The following MAP2 variants were observed in gnomAD, a reference collection of about 807,000 sequenced individuals.
MAP2 encodes the protein microtubule associated protein 2, also known as microtubule-associated protein 2.
MAP2 carries 14 observed loss-of-function variants against 137.6 expected under a neutral mutation model. The observed-to-expected ratio is 0.10, with a 90% confidence interval of 0.07 to 0.16. The LOEUF (loss-of-function observed/expected upper bound fraction) is 0.16. Among genes scored for constraint, MAP2 ranks in the 10% least tolerant of loss-of-function variants. The pLI is 1.00. For missense variants in MAP2, 2,088 were observed against 2,191.5 expected (o/e 0.95, Z 0.94); for synonymous variants, 786 against 782.3 (o/e 1.00, Z -0.08).
chr2:209,503,155 A>G (rs1332624753), intron 1 of MAP2, among the ~76,000 whole-genome samples: 1 of 151,830 alleles, frequency 6.6e-6, no homozygotes, highest in Non-Finnish European at 1.5e-5. Flanking sequence ...GCACATCACA[A>G]TGCCCAGCTA....
chr2:209,497,582 C>T (rs757443418), intron 1 of MAP2, among the ~76,000 whole-genome samples: 16 of 152,164 alleles, frequency 1.1e-4, no homozygotes, highest in Non-Finnish European at 1.8e-4. Flanking sequence ...CACAGTTCTG[C>T]GGGCTATACA....
intron 2 of MAP2, among the ~76,000 whole-genome samples, chr2:209,508,076 G>A (rs12993284): frequency 0.03 from 4,611 of 151,962 alleles, 88 homozygotes; most frequent in South Asian, 0.069. Flanking sequence ...AATTGAAAAC[G>A]TACTTTTCAA....
At chr2:209,510,398 C>T (rs900821364) in intron 2 of MAP2, among the ~76,000 whole-genome samples, 1 of 151,950 alleles carries the variant, frequency 6.6e-6, no homozygotes, top group Admixed American at 6.6e-5. Flanking sequence ...TTATAAATAG[C>T]CCTGCAATAA....
At chr2:209,477,822 G>C (rs1009182192) in intron 1 of MAP2, among the ~76,000 whole-genome samples, 1 of 151,094 alleles carries the variant, frequency 6.6e-6, no homozygotes, top group African/African-American at 2.4e-5. Flanking sequence ...CACAAGTGAG[G>C]CCTCCTCTAT....
intron 1 of MAP2, among the ~76,000 whole-genome samples, chr2:209,449,886 C>T (rs762582511): frequency 2.6e-5 from 4 of 151,874 alleles, no homozygotes; most frequent in Non-Finnish European, 5.9e-5. Context: ...TCCATTTGTT[C>T]TTTATGCATA....
intron 10 of MAP2, 23 bp from the exon 11 acceptor site, chr2:209,700,254 T>TG: frequency 6.2e-7 from 1 of 1,608,484 alleles, no homozygotes; most frequent in Middle Eastern, 1.7e-4. Context: ...AGTTTGGGGT[T>TG]GTTTGTCTTT....
intron 1 of MAP2, among the ~76,000 whole-genome samples, chr2:209,453,123 A>G (rs1042290779): frequency 3.3e-5 from 5 of 152,196 alleles, no homozygotes; most frequent in African/African-American, 1.2e-4. Context: ...CGAAAACACA[A>G]TTCATATGGT....
At chr2:209,682,223 A>G (rs2054908156) in intron 7 of MAP2, among the ~76,000 whole-genome samples, 1 of 152,110 alleles carries the variant, frequency 6.6e-6, no homozygotes, top group Non-Finnish European at 1.5e-5. Flanking sequence ...TAAAGAGTAC[A>G]CTATAGCCGG....
At chr2:209,502,373 TACCA>T (rs1357179135) in intron 1 of MAP2, among the ~76,000 whole-genome samples, 2 of 152,210 alleles carry the variant, frequency 1.3e-5, no homozygotes, top group African/African-American at 4.8e-5. Flanking sequence ...TTATTTCACT[TACCA>T]TAATGCCGTT....
At chr2:209,587,898 A>G (rs1158908988) in intron 3 of MAP2, among the ~76,000 whole-genome samples, 1 of 152,212 alleles carries the variant, frequency 6.6e-6, no homozygotes, top group Non-Finnish European at 1.5e-5. Context: ...GTCCTTAGAA[A>G]CTAGAAATTT....
At chr2:209,441,558 C>T (rs766879627) in intron 1 of MAP2, among the ~76,000 whole-genome samples, 8 of 151,416 alleles carry the variant, frequency 5.3e-5, no homozygotes, top group Non-Finnish European at 1.0e-4. Context: ...GTTTTTGGAC[C>T]TAGAATTAAA....
intron 3 of MAP2, among the ~76,000 whole-genome samples, chr2:209,585,885 CATTAG>C (rs1203467889): frequency 6.6e-6 from 1 of 152,160 alleles, no homozygotes; most frequent in African/African-American, 2.4e-5. Flanking sequence ...TCTGAGATTA[CATTAG>C]CACCTGCCAT....
At chr2:209,607,730 C>T (rs1028567321) in intron 3 of MAP2, among the ~76,000 whole-genome samples, 16 of 152,172 alleles carry the variant, frequency 1.1e-4, no homozygotes, top group African/African-American at 3.9e-4. Flanking sequence ...CGACTGTGCC[C>T]GGCCTGAATA....
At chr2:209,523,669 C>A (rs570481192) in intron 2 of MAP2, among the ~76,000 whole-genome samples, 1 of 152,286 alleles carries the variant, frequency 6.6e-6, no homozygotes, top group South Asian at 2.1e-4. Context: ...AAAAAGAAAT[C>A]TCTTCAAACT....
At chr2:209,614,379 C>CA (rs2088263518) in intron 3 of MAP2, among the ~76,000 whole-genome samples, 1 of 152,152 alleles carries the variant, frequency 6.6e-6, no homozygotes, top group African/African-American at 2.4e-5. Context: ...TATAGGGAGG[C>CA]AGCCTCTTCT....
intron 2 of MAP2, among the ~76,000 whole-genome samples, chr2:209,562,255 A>G (rs2072287413): frequency 6.6e-6 from 1 of 152,220 alleles, no homozygotes; most frequent in Non-Finnish European, 1.5e-5. Flanking sequence ...ATTTATCATA[A>G]TGCCCAAGGC....
intron 3 of MAP2, among the ~76,000 whole-genome samples, chr2:209,590,342 A>AT (rs555933816): frequency 1.8e-4 from 27 of 150,710 alleles, no homozygotes; most frequent in African/African-American, 5.1e-4. Flanking sequence ...CAAATTAAGA[A>AT]TTTTTTTTTT....
chr2:209,647,231 C>T (rs931554771), intron 4 of MAP2, among the ~76,000 whole-genome samples: 14 of 152,118 alleles, frequency 9.2e-5, no homozygotes, highest in Admixed American at 7.9e-4. Flanking sequence ...CCAGTCACCT[C>T]CTATCAGTCC....
chr2:209,668,520 A>T (rs1437647709), intron 5 of MAP2, among the ~76,000 whole-genome samples: 1 of 152,074 alleles, frequency 6.6e-6, no homozygotes, highest in Non-Finnish European at 1.5e-5. Flanking sequence ...ATCAATACAG[A>T]GTCTAAAAGA....
Sources: gnomAD v4.1 joint callset for allele counts (sites outside exome capture counted in the v4.1 genomes callset) on GRCh38, gnomAD v4.1.1 for gene constraint, MANE v1.5 for transcripts, NCBI Gene and HGNC (gene_info 2026-07-23, HGNC 2026-07-21) for gene names.